The following SPINK2 variants were observed in gnomAD, a reference collection of about 807,000 sequenced individuals.
SPINK2 encodes serine protease inhibitor Kazal-type 2.
SPINK2 carries 8 observed loss-of-function variants against 13.5 expected under a neutral mutation model. The observed-to-expected ratio is 0.59, with a 90% CI of 0.35 to 1.07. SPINK2 has a LOEUF of 1.07. SPINK2 is among the 50% of genes least tolerant of loss of function. The pLI, the probability that SPINK2 is intolerant of heterozygous loss-of-function variation, is 0.02. For synonymous variants in SPINK2, 76 were observed against 74.7 expected, an observed-to-expected ratio of 1.02 and a Z score of -0.09; for missense variants, 148 against 180.3, an observed-to-expected ratio of 0.82 and a Z score of 1.03.
chr4:56,821,686 G>C lies in SPINK2; in HGVS notation c.-24C>G, dbSNP rs1560419686. On this transcript the variant is annotated 5_prime_UTR_variant, in exon 1 of 4. Transcript: ENST00000506738. ...ATCCTCCTCCCGCGCCGGCTGTCTT[G>C]CCCCTGCGGTCTGTTACCTGCGCCA... 4 of 1,495,022 alleles carry C rather than the reference G, an allele frequency of 2.7e-6. No individual in the cohort carries two copies. Among genetic ancestry groups the C allele is most frequent in the Non-Finnish European group, 3.6e-6 (4 of 1,126,182 alleles). 92.6% of individuals were successfully genotyped at this position (1,495,022 alleles called of 1,614,324 possible).
chr4:56,813,721 A>C lies in SPINK2; in HGVS notation c.250-1927T>G, dbSNP rs189226510. Among the ~76,000 whole-genome samples the C allele has an allele frequency of 2.5e-3, 376 of 150,870 alleles. 1 individual carries two copies. Among genetic ancestry groups the C allele is most frequent in the African/African-American group, 8.9e-3 (367 of 41,092 alleles). On this transcript the variant is annotated intron_variant, in intron 2 of 3. Transcript: ENST00000506738. ...CAACTTCTGCCTCCCAGGTTCAAGC[A>C]ATTCTCCTGTCTCAGCCTCCCCATT... is the stretch of plus-strand genomic sequence containing the variant.
rs1716842332 is a variant in SPINK2, at chr4:56,809,956, G to C, written c.*183C>G. ...CCAGGAGCAAAAGCCAAGAAACAAG[G>C]ATTCTTTTTTTCTTTAAATTATCCA... On this transcript the variant is annotated 3_prime_UTR_variant, in exon 4 of 4. Transcript: ENST00000506738. 6.8e-7 allele frequency: 1 copy of C among 1,461,618 alleles called. No homozygotes were observed. The highest frequency in any genetic ancestry group is 9.0e-7 in the Non-Finnish European group (1 of 1,109,682). 90.5% of individuals were successfully genotyped at this position (1,461,618 alleles called of 1,614,324 possible). A position where few individuals can be genotyped will look rare whatever the true frequency, so the allele number is the denominator to read the frequency against.
intron 3 of SPINK2, chr4:56,810,521 G>A (rs1716891421): frequency 8.0e-6 from 2 of 249,814 alleles, no homozygotes; most frequent in African/African-American, 2.3e-5. Context: ...TGGCCAACAT[G>A]GTGAATCCCC....
chr4:56,811,434 C>T (rs940075841), intron 3 of SPINK2, among the ~76,000 whole-genome samples: 1 of 152,058 alleles, frequency 6.6e-6, no homozygotes, highest in Non-Finnish European at 1.5e-5. Context: ...GCCTGGCCAA[C>T]ATGGTGAAAC....
At chr4:56,812,981 C>A (rs1349467898) in intron 2 of SPINK2, among the ~76,000 whole-genome samples, 4 of 152,216 alleles carry the variant, frequency 2.6e-5, no homozygotes, top group Admixed American at 2.0e-4. Flanking sequence ...TCTCCACTCT[C>A]TGGAAGAGGA....
chr4:56,821,812 C>A (rs1041957424), upstream of SPINK2: 1 of 715,922 alleles, frequency 1.4e-6, no homozygotes, highest in Non-Finnish European at 1.9e-6. Context: ...GGAAGAGGGG[C>A]GGCGGGAAGA....
At position 56,811,624 on chromosome 4, in the gene SPINK2, A is replaced by G. The variant is rs1428716160; in HGVS notation, c.359+61T>C. On this transcript the variant is annotated intron_variant, in intron 3 of 3. Coordinates refer to ENST00000506738, the MANE Select transcript of SPINK2 (RefSeq NM_001271718.2). ...AGAGTGAGACTCTGTCAAAAAAAAA[A>G]AGAAGAAAAAAAAAGAAATGAAGAA... 28 of 1,197,732 alleles carry G rather than the reference A, an allele frequency of 2.3e-5. No individual in the cohort carries two copies. The Admixed American group carries it at 5.9e-4, about 25-fold the overall frequency. The allele number at this position is 1,197,732 out of a possible 1,614,324, so 74.2% of individuals were successfully genotyped here.
At chr4:56,813,224 G>A (rs1240420463) in intron 2 of SPINK2, among the ~76,000 whole-genome samples, 1 of 152,210 alleles carries the variant, frequency 6.6e-6, no homozygotes, top group Non-Finnish European at 1.5e-5. Flanking sequence ...TTGAGAGGCT[G>A]AGACAGGAGA....
chr4:56,821,450 T>TCCTC lies in SPINK2; in HGVS notation c.205+4_205+7dup, dbSNP rs1717926703. On this transcript the variant is annotated splice_region_variant and intron_variant, in intron 1 of 3. Coordinates refer to ENST00000506738, the MANE Select transcript of SPINK2 (RefSeq NM_001271718.2). ...CACCCCCACAACCCCCAGTTCGCGT[T>TCCTC]CCTCCACCTGGCAGGTCCTCTGGGG... 2.6e-6 allele frequency: 4 copies of TCCTC among 1,510,358 alleles called. No homozygotes were observed. The Admixed American group carries it at 8.5e-5, about 32-fold the overall frequency. The allele number at this position is 1,510,358 out of a possible 1,614,324, so 93.6% of individuals were successfully genotyped here. A position where few individuals can be genotyped will look rare whatever the true frequency, so the allele number is the denominator to read the frequency against.
chr4:56,810,366 A>T, intron 3 of SPINK2, 182 bp from the exon 4 acceptor site: 1 of 609,812 alleles, frequency 1.6e-6, no homozygotes, highest in Non-Finnish European at 2.8e-6. Flanking sequence ...CCACTCTGTC[A>T]TTTTTTTCCC....
intron 2 of SPINK2, among the ~76,000 whole-genome samples, chr4:56,819,559 A>G (rs1469042874): frequency 2.0e-5 from 3 of 152,086 alleles, no homozygotes; most frequent in Non-Finnish European, 2.9e-5. Context: ...ACAGTCCAGG[A>G]AGCAAAACAA....
chr4:56,812,043 G>A (rs1173809858), intron 2 of SPINK2, among the ~76,000 whole-genome samples: 3 of 149,344 alleles, frequency 2.0e-5, no homozygotes, highest in Non-Finnish European at 4.4e-5. Flanking sequence ...GATTACAGGC[G>A]CACGCCTCCA....
intron 1 of SPINK2, 61 bp from the exon 2 acceptor site, chr4:56,820,640 A>AT: frequency 2.1e-6 from 3 of 1,396,926 alleles, no homozygotes; most frequent in Non-Finnish European, 3.0e-6. Context: ...TTGTTCATGA[A>AT]GTTTTTTTTT....
At position 56,821,688 on chromosome 4, in the gene SPINK2, C is replaced by T; in HGVS notation, c.-26G>A. 6.0e-6 allele frequency: 9 copies of T among 1,488,030 alleles called. No individual in the cohort carries two copies. The highest frequency in any genetic ancestry group is 8.0e-6 in the Non-Finnish European group (9 of 1,124,394). The allele number at this position is 1,488,030 out of a possible 1,614,324, so 92.2% of individuals were successfully genotyped here. ...CCTCCTCCCGCGCCGGCTGTCTTGC[C>T]CCTGCGGTCTGTTACCTGCGCCACT... On this transcript the variant is annotated 5_prime_UTR_variant, in exon 1 of 4. Coordinates refer to ENST00000506738, the MANE Select transcript of SPINK2 (RefSeq NM_001271718.2).
At chr4:56,814,960 C>CAAAAAAAAA (rs5858398) in intron 2 of SPINK2, among the ~76,000 whole-genome samples, 1 of 102,548 alleles carries the variant, frequency 9.8e-6, no homozygotes, top group Non-Finnish European at 2.0e-5. Flanking sequence ...GACTCCGTCT[C>CAAAAAAAAA]AAAAAAAAAA....
At chr4:56,818,165 G>C (rs1717615234) in intron 2 of SPINK2, 1 of 152,160 alleles carries the variant, frequency 6.6e-6, no homozygotes, top group African/African-American at 2.4e-5. Context: ...AGTGGCAATG[G>C]AAATAAGGAA....
At chr4:56,818,266 C>T (rs902800117) in intron 2 of SPINK2, 6 of 152,230 alleles carry the variant, frequency 3.9e-5, no homozygotes, top group African/African-American at 1.4e-4. Context: ...ACAGAGAAAT[C>T]TGTGGTTGTG....
Position 56,821,482 on chromosome 4 carries a change from C to T in SPINK2, c.181G>A (p.Gly61Ser), listed in dbSNP as rs1717929737. 6.5e-7 allele frequency: 1 copy of T among 1,532,870 alleles called. No individual in the cohort carries two copies. Among genetic ancestry groups the T allele is most frequent in the Admixed American group, 2.0e-5 (1 of 50,146 alleles). The allele number at this position is 1,532,870 out of a possible 1,614,324, so 95.0% of individuals were successfully genotyped here. Residue 61 changes from glycine (G) to serine (S), a missense_variant, in exon 1 of 4, where the codon GGC becomes AGC. Physicochemically the swap from Gly to Ser is moderately conservative, Grantham distance 56 (BLOSUM62 0). Coordinates refer to ENST00000506738, the MANE Select transcript of SPINK2 (RefSeq NM_001271718.2). ...LGDGTRAPVT[G>S]GSPEDLPASL... Reference sequence around the variant, plus strand: ...CCTGGCAGGTCCTCTGGGGAACCGCCAGTAACGGGCGCGCGGGTACCGTCG... The same window carrying T: ...CCTGGCAGGTCCTCTGGGGAACCGCTAGTAACGGGCGCGCGGGTACCGTCG...
intron 2 of SPINK2, among the ~76,000 whole-genome samples, chr4:56,815,733 A>G (rs1292547263): frequency 1.3e-5 from 2 of 149,940 alleles, no homozygotes; most frequent in Admixed American, 1.4e-4. Context: ...AGATGACACA[A>G]TCTTGTTATA....
Sources: gnomAD v4.1 joint callset for allele counts (sites outside exome capture counted in the v4.1 genomes callset) on GRCh38, gnomAD v4.1.1 for gene constraint, MANE v1.5 for transcripts, NCBI Gene and HGNC (gene_info 2026-07-23, HGNC 2026-07-21) for gene names.